CADM2: variants seen among roughly 807,000 people sequenced by gnomAD.
CADM2 encodes immunoglobulin superfamily member 4D.
In CADM2, 12 loss-of-function variants were observed where a neutral mutation model predicts 49.8. The ratio of observed to expected loss-of-function variants is 0.24; its 90% CI spans 0.15 to 0.39. The LOEUF is 0.39. Among genes scored for constraint, CADM2 ranks in the 10% least tolerant of loss-of-function variants. The pLI, the probability that CADM2 is intolerant of heterozygous loss-of-function variation, is 1.00. For missense variants in CADM2, 378 were observed against 492.3 expected, an observed-to-expected ratio of 0.77 and a Z score of 2.20; for synonymous variants, 214 against 175.4, an observed-to-expected ratio of 1.22 and a Z score of -1.74.
intron 1 of CADM2, among the ~76,000 whole-genome samples, chr3:84,984,781 T>A (rs2032452635): frequency 6.6e-6 from 1 of 152,132 alleles, no homozygotes; most frequent in Non-Finnish European, 1.5e-5. Context: ...AGGGTTCTAT[T>A]TCCATTCAAT....
intron 1 of CADM2, among the ~76,000 whole-genome samples, chr3:85,338,736 C>G (rs1361678135): frequency 6.6e-6 from 1 of 151,214 alleles, no homozygotes; most frequent in Non-Finnish European, 1.5e-5. Context: ...TTCTTTTCAC[C>G]GAACAACAGG....
At chr3:85,559,111 T>C (rs2062028371) in intron 1 of CADM2, among the ~76,000 whole-genome samples, 1 of 152,120 alleles carries the variant, frequency 6.6e-6, no homozygotes, top group Non-Finnish European at 1.5e-5. Context: ...TTTCTAAGTA[T>C]TTTTGTGTTT....
At chr3:85,408,294 A>G (rs1000097323) in intron 1 of CADM2, among the ~76,000 whole-genome samples, 6 of 152,222 alleles carry the variant, frequency 3.9e-5, no homozygotes, top group Admixed American at 2.6e-4. Flanking sequence ...CATAGAAGAA[A>G]AGACTAAAAA....
chr3:85,769,446 GTATATACA>G (rs945809299), intron 2 of CADM2, among the ~76,000 whole-genome samples: 2 of 81,472 alleles, frequency 2.5e-5, no homozygotes, highest in African/African-American at 5.5e-5. Flanking sequence ...ATATATACAC[GTATATACA>G]TATATACATA....
chr3:85,136,049 C>T (rs866830354), intron 1 of CADM2, among the ~76,000 whole-genome samples: 4 of 151,946 alleles, frequency 2.6e-5, no homozygotes, highest in South Asian at 2.1e-4. Context: ...TTTCAAGTAT[C>T]GTTGTCTGTA....
intron 1 of CADM2, among the ~76,000 whole-genome samples, chr3:85,327,589 C>CACA (rs1553709186): frequency 1.7e-5 from 2 of 115,278 alleles, no homozygotes; most frequent in Non-Finnish European, 3.9e-5. Flanking sequence ...CACACACACA[C>CACA]CACACACACA....
intron 1 of CADM2, among the ~76,000 whole-genome samples, chr3:85,703,374 A>C (rs774692082): frequency 2.0e-5 from 3 of 152,140 alleles, no homozygotes; most frequent in Non-Finnish European, 2.9e-5. Context: ...AAAGAGAACC[A>C]TTGCATAGAG....
rs1420968551 is a variant in CADM2 at position 85,045,530 on chromosome 3, A to G, written c.61+85862A>G. On this transcript the variant is annotated intron_variant, in intron 1 of 9. Coordinates refer to ENST00000383699, the MANE Select transcript of CADM2 (RefSeq NM_001167675.2). ...TGGTATTTCTATTTATTTTAATACT[A>G]CTATCTCAGGGTTGGATAGATTTTG... Among the ~76,000 whole-genome samples the G allele has an allele frequency of 2.6e-5, 4 of 152,120 alleles. No homozygotes were observed. In the East Asian group the frequency reaches 7.7e-4, roughly 29 times the overall value.
chr3:85,755,467 C>T (rs1433041229), intron 2 of CADM2, among the ~76,000 whole-genome samples: 1 of 152,080 alleles, frequency 6.6e-6, no homozygotes, highest in Non-Finnish European at 1.5e-5. Context: ...CCTCCCCAAC[C>T]TCATTGTTCA....
intron 1 of CADM2, among the ~76,000 whole-genome samples, chr3:85,622,905 G>A (rs1403319673): frequency 6.6e-6 from 1 of 152,062 alleles, no homozygotes; most frequent in Non-Finnish European, 1.5e-5. Flanking sequence ...CAAATGGGAT[G>A]GGCTTTAGGC....
At chr3:85,041,439 G>C (rs1016954827) in intron 1 of CADM2, among the ~76,000 whole-genome samples, 1 of 152,118 alleles carries the variant, frequency 6.6e-6, no homozygotes, top group African/African-American at 2.4e-5. Flanking sequence ...GGAGAAAGAC[G>C]GAAGTGGGAG....
At chr3:85,092,176 T>C (rs1295071498) in intron 1 of CADM2, among the ~76,000 whole-genome samples, 1 of 152,124 alleles carries the variant, frequency 6.6e-6, no homozygotes, top group Non-Finnish European at 1.5e-5. Context: ...TTGAATTTTG[T>C]TGATAGATGG....
At chr3:85,637,322 GC>G (rs1243667739) in intron 1 of CADM2, among the ~76,000 whole-genome samples, 2 of 151,862 alleles carry the variant, frequency 1.3e-5, no homozygotes, top group East Asian at 3.9e-4. Context: ...GGTATTATTG[GC>G]CGGGCGCGGT....
intron 1 of CADM2, among the ~76,000 whole-genome samples, chr3:85,601,095 A>G (rs936232034): frequency 5.5e-5 from 8 of 144,232 alleles, no homozygotes; most frequent in African/African-American, 2.0e-4. Flanking sequence ...TTAAGTGCAA[A>G]AAGTAATTAA....
chr3:85,623,327 A>G (rs1344825177), intron 1 of CADM2, among the ~76,000 whole-genome samples: 2 of 152,192 alleles, frequency 1.3e-5, no homozygotes, highest in Non-Finnish European at 2.9e-5. Context: ...TCAAATGTAT[A>G]GGGTTAAACC....
At chr3:85,298,127 C>G (rs1400914037) in intron 1 of CADM2, among the ~76,000 whole-genome samples, 3 of 152,004 alleles carry the variant, frequency 2.0e-5, no homozygotes, top group Non-Finnish European at 2.9e-5. Flanking sequence ...CTCATATATG[C>G]TTAGGTTTAA....
intron 1 of CADM2, among the ~76,000 whole-genome samples, chr3:85,594,046 C>T (rs975300959): frequency 1.3e-5 from 2 of 151,716 alleles, no homozygotes; most frequent in Non-Finnish European, 2.9e-5. Flanking sequence ...ATTTCATATC[C>T]TGGCTATTGC....
chr3:85,362,765 T>C (rs888632756), intron 1 of CADM2, among the ~76,000 whole-genome samples: 1 of 152,210 alleles, frequency 6.6e-6, no homozygotes, highest in African/African-American at 2.4e-5. Context: ...TCACTGCAGG[T>C]GTTTAAAGGT....
At chr3:85,589,035 A>T (rs2063025868) in intron 1 of CADM2, among the ~76,000 whole-genome samples, 1 of 152,028 alleles carries the variant, frequency 6.6e-6, no homozygotes, top group Admixed American at 6.6e-5. Context: ...GCTATGCATT[A>T]TGTCAGATTT....
Sources: allele counts gnomAD v4.1 joint callset (sites outside exome capture counted in the v4.1 genomes callset), GRCh38; gene constraint gnomAD v4.1.1; transcripts MANE v1.5; gene names NCBI Gene and HGNC (gene_info 2026-07-23, HGNC 2026-07-21).